ANO1: variants seen among roughly 807,000 people sequenced by gnomAD.
ANO1 encodes the protein anoctamin 1, also known as anoctamin-1.
Under a neutral mutation model 124.0 loss-of-function variants are expected in ANO1, and 59 were observed. The ratio of observed to expected loss-of-function variants is 0.48; its 90% CI spans 0.39 to 0.59. The LOEUF (loss-of-function observed/expected upper bound fraction) is 0.59, where lower values mean the gene tolerates loss of function less well. Among genes scored for constraint, ANO1 ranks in the 20% least tolerant of loss-of-function variants. The pLI is 0.00. For missense variants in ANO1, 1,059 were observed against 1,328.0 expected (o/e 0.80, Z 3.15); for synonymous variants, 529 against 532.0 (o/e 0.99, Z 0.08).
intron 1 of ANO1, among the ~76,000 whole-genome samples, chr11:70,026,432 ATGG>A (rs1219537774): frequency 7.4e-5 from 11 of 148,466 alleles, no homozygotes; most frequent in South Asian, 4.4e-4. Context: ...AATAATGATG[ATGG>A]TGGTGGTGGT....
At chr11:70,094,020 C>A (rs544147053) in intron 2 of ANO1, among the ~76,000 whole-genome samples, 7 of 152,328 alleles carry the variant, frequency 4.6e-5, no homozygotes, top group Admixed American at 3.9e-4. Context: ...GATAGTGTGA[C>A]CTTCCTTGTG....
At chr11:70,099,314 C>A (rs965334229) in intron 2 of ANO1, among the ~76,000 whole-genome samples, 1 of 152,152 alleles carries the variant, frequency 6.6e-6, no homozygotes, top group Non-Finnish European at 1.5e-5. Flanking sequence ...GGTCTCATGA[C>A]CCCTTTCCCG....
chr11:70,085,416 G>T (rs1017801859), intron 1 of ANO1: 2 of 1,519,706 alleles, frequency 1.3e-6, no homozygotes, highest in African/African-American at 1.4e-5. Flanking sequence ...GGCGGGGCAC[G>T]CACACTGAGT....
At chr11:70,164,724 C>T (rs1041785686) in intron 19 of ANO1, among the ~76,000 whole-genome samples, 1 of 152,140 alleles carries the variant, frequency 6.6e-6, no homozygotes, top group African/African-American at 2.4e-5. Flanking sequence ...GTGGCAAAGG[C>T]CCACTGAGTC....
chr11:70,101,945 C>T (rs2045295531), intron 2 of ANO1, among the ~76,000 whole-genome samples: 2 of 152,318 alleles, frequency 1.3e-5, no homozygotes, highest in Admixed American at 6.5e-5. Flanking sequence ...CAGGGAGACT[C>T]GGCACTGTTT....
Position 70,155,926 on chromosome 11 carries a change from C to G in ANO1, c.1441C>G (p.Pro481Ala). The G allele has an allele frequency of 6.5e-7, 1 of 1,542,132 alleles. No individual in the cohort carries two copies. Residue 481 changes from proline to alanine, a missense_variant, in exon 15 of 26, where the codon CCA becomes GCA. Physicochemically the swap from Pro to Ala is conservative, Grantham distance 27. Coordinates refer to ENST00000355303, the MANE Select transcript of ANO1 (RefSeq NM_018043.7). ...SRNKEKRRHI[P>A]EESTNKWKQR... ...CCCCCCTCAGAAGCGCCGGCATATT[C>G]CAGAGGAGTCAACAAACAAATGGAA...
intron 1 of ANO1, among the ~76,000 whole-genome samples, chr11:70,000,124 T>C (rs1396632420): frequency 1.3e-5 from 2 of 152,168 alleles, no homozygotes. Flanking sequence ...AGGTCACTTT[T>C]TGGATGGAGA....
intron 1 of ANO1, among the ~76,000 whole-genome samples, chr11:70,031,861 T>A (rs1857007245): frequency 6.6e-6 from 1 of 152,206 alleles, no homozygotes; most frequent in Non-Finnish European, 1.5e-5. Flanking sequence ...TCCTCTGGCA[T>A]CAGGGAGTGT....
At chr11:70,070,185 C>T (rs1294119788) in intron 1 of ANO1, among the ~76,000 whole-genome samples, 2 of 152,098 alleles carry the variant, frequency 1.3e-5, no homozygotes, top group Non-Finnish European at 2.9e-5. Flanking sequence ...TTTTCTAGGT[C>T]TCTGTGGCTC....
intron 1 of ANO1, among the ~76,000 whole-genome samples, chr11:70,055,155 T>C (rs1346518742): frequency 6.6e-6 from 1 of 152,162 alleles, no homozygotes; most frequent in Admixed American, 6.5e-5. Flanking sequence ...GCTGGCTTTA[T>C]GGCTTAACAT....
intron 22 of ANO1, among the ~76,000 whole-genome samples, chr11:70,177,829 C>T (rs1257506953): frequency 2.0e-5 from 3 of 152,110 alleles, no homozygotes; most frequent in Non-Finnish European, 4.4e-5. Context: ...GAACTCCCGA[C>T]CTCAGGTGAT....
chr11:70,152,243 G>C (rs1005778733), intron 12 of ANO1, among the ~76,000 whole-genome samples: 3 of 150,408 alleles, frequency 2.0e-5, no homozygotes, highest in Non-Finnish European at 4.4e-5. Flanking sequence ...GCTGAGGCAG[G>C]AGAATCACTT....
the ANO1 span, among the ~76,000 whole-genome samples, chr11:69,971,244 T>C: frequency 3.2e-4 from 49 of 152,124 alleles, 1 homozygote; most frequent in Non-Finnish European, 1.0e-4. Context: ...AAGGGGAGAG[T>C]TGGTCCCCAT....
chr11:70,142,019 G>A (rs775829428), intron 11 of ANO1, among the ~76,000 whole-genome samples: 9 of 152,302 alleles, frequency 5.9e-5, no homozygotes, highest in Middle Eastern at 3.4e-3. Context: ...CAGCTTTCCT[G>A]GAGCTGACAC....
intron 2 of ANO1, among the ~76,000 whole-genome samples, chr11:70,097,878 A>G (rs2045072305): frequency 6.6e-6 from 1 of 152,202 alleles, no homozygotes; most frequent in African/African-American, 2.4e-5. Flanking sequence ...CTAAACAGAT[A>G]AGCCTGGCTT....
intron 22 of ANO1, among the ~76,000 whole-genome samples, chr11:70,178,443 T>C (rs935995360): frequency 2.6e-5 from 4 of 152,166 alleles, no homozygotes; most frequent in Non-Finnish European, 5.9e-5. Context: ...GGAGCTACAA[T>C]AAACTCCTCA....
In ANO1 at chr11:70,188,194, C is replaced by A. The variant is rs533202532; in HGVS notation, c.*190C>A. ...TTCTTTCCCTTGTTTTTGCACAAAG[C>A]CATTATGCAGGGAATATTTTTTAAT... On this transcript the variant is annotated 3_prime_UTR_variant, in exon 26 of 26. Coordinates refer to ENST00000355303, the MANE Select transcript of ANO1 (RefSeq NM_018043.7). 125 of 695,880 alleles carry A rather than the reference C, an allele frequency of 1.8e-4. 2 individuals carry two copies. In the Middle Eastern group the frequency reaches 2.0e-3, roughly 11 times the overall value. The allele number at this position is 695,880 out of a possible 1,614,324, so 43.1% of individuals were successfully genotyped here.
the ANO1 span, among the ~76,000 whole-genome samples, chr11:69,973,765 G>A: frequency 2.0e-5 from 3 of 151,790 alleles, no homozygotes; most frequent in South Asian, 4.2e-4. Flanking sequence ...CCAGCTACTC[G>A]GGAGGCTAAG....
At chr11:70,110,932 G>C (rs963089970) in intron 6 of ANO1, among the ~76,000 whole-genome samples, 2 of 152,254 alleles carry the variant, frequency 1.3e-5, no homozygotes, top group African/African-American at 4.8e-5. Context: ...ACACAGGCAT[G>C]GTGTTTTTAT....
Sources: gnomAD v4.1 joint callset for allele counts (sites outside exome capture counted in the v4.1 genomes callset) on GRCh38, gnomAD v4.1.1 for gene constraint, MANE v1.5 for transcripts, NCBI Gene and HGNC (gene_info 2026-07-23, HGNC 2026-07-21) for gene names.